RABGAP1L: variants seen among roughly 807,000 people sequenced by gnomAD.
The protein encoded by RABGAP1L is RAB GTPase activating protein 1 like, also known as rab GTPase-activating protein 1-like.
RABGAP1L carries 63 observed loss-of-function variants against 137.7 expected under a neutral mutation model. The observed-to-expected ratio is 0.46, with a 90% CI of 0.37 to 0.56. RABGAP1L has a LOEUF of 0.56. Among genes scored for constraint, RABGAP1L ranks in the 20% least tolerant of loss-of-function variants. The pLI is 0.00. For synonymous variants in RABGAP1L, 431 were observed against 433.7 expected, an observed-to-expected ratio of 0.99 and a Z score of 0.08; for missense variants, 1,095 against 1,244.0, an observed-to-expected ratio of 0.88 and a Z score of 1.80.
At chr1:174,515,724 A>G (rs1364620890) in intron 13 of RABGAP1L, among the ~76,000 whole-genome samples, 1 of 152,192 alleles carries the variant, frequency 6.6e-6, no homozygotes, top group Non-Finnish European at 1.5e-5. Context: ...GGTATATGGT[A>G]TTGAAGTGCT....
At chr1:174,606,203 A>C (rs1220911485) in intron 13 of RABGAP1L, among the ~76,000 whole-genome samples, 1 of 152,222 alleles carries the variant, frequency 6.6e-6, no homozygotes, top group African/African-American at 2.4e-5. Context: ...ATGAAATTTC[A>C]ATAAAAATTT....
chr1:174,901,702 T>G (rs777776895), intron 19 of RABGAP1L, among the ~76,000 whole-genome samples: 4 of 152,168 alleles, frequency 2.6e-5, no homozygotes, highest in Non-Finnish European at 5.9e-5. Flanking sequence ...TCAACCTAGT[T>G]CTGTGTTCTT....
chr1:174,864,909 G>C (rs965819083), intron 19 of RABGAP1L, among the ~76,000 whole-genome samples: 1 of 152,280 alleles, frequency 6.6e-6, no homozygotes, highest in Admixed American at 6.5e-5. Flanking sequence ...CAGAGCTCAA[G>C]GGTTTGAGAC....
intron 18 of RABGAP1L, among the ~76,000 whole-genome samples, chr1:174,782,063 G>C (rs1035954775): frequency 3.3e-5 from 5 of 152,148 alleles, no homozygotes; most frequent in Admixed American, 1.3e-4. Flanking sequence ...TTTTTTGGTT[G>C]CATATGAACT....
chr1:174,210,326 A>G (rs1668791601), intron 1 of RABGAP1L, among the ~76,000 whole-genome samples: 1 of 152,230 alleles, frequency 6.6e-6, no homozygotes, highest in African/African-American at 2.4e-5. Context: ...GAGGCAGTTC[A>G]AAGAAATTCA....
intron 13 of RABGAP1L, among the ~76,000 whole-genome samples, chr1:174,635,052 A>T (rs1288380425): frequency 6.6e-6 from 1 of 151,026 alleles, no homozygotes; most frequent in East Asian, 1.9e-4. Context: ...AAATAATAAT[A>T]AAATAAAAAA....
intron 17 of RABGAP1L, among the ~76,000 whole-genome samples, chr1:174,723,503 A>C (rs763275426): frequency 2.0e-5 from 3 of 152,198 alleles, no homozygotes; most frequent in Non-Finnish European, 2.9e-5. Flanking sequence ...CTAAACTGGG[A>C]GAATAACTAC....
At position 174,551,809 on chromosome 1, in the gene RABGAP1L, G is replaced by A. The variant is rs144835386; in HGVS notation, c.1711-85566G>A. 3.1e-4 allele frequency among the ~76,000 whole-genome samples: 47 copies of A among 152,124 alleles called. 1 individual carries two copies. In the East Asian group the frequency reaches 8.7e-3, roughly 28 times the overall value. ...CCTTTGACAAGACTGAAAAATCTAAGAAGGGAAGGCCTGAATCACCAATAT... is the reference window on the plus strand; with the variant it reads ...CCTTTGACAAGACTGAAAAATCTAAAAAGGGAAGGCCTGAATCACCAATAT... On this transcript the variant is annotated intron_variant, in intron 13 of 25. Transcript: ENST00000681986.
chr1:174,737,606 C>A (rs1371845041), intron 17 of RABGAP1L, among the ~76,000 whole-genome samples: 1 of 152,168 alleles, frequency 6.6e-6, no homozygotes, highest in African/African-American at 2.4e-5. Context: ...CCCACATCTT[C>A]AGGTATTAAT....
chr1:174,629,139 C>G (rs1673134184), intron 13 of RABGAP1L, among the ~76,000 whole-genome samples: 1 of 152,068 alleles, frequency 6.6e-6, no homozygotes, highest in Non-Finnish European at 1.5e-5. Flanking sequence ...TTTCTTGACT[C>G]AAATATTTGT....
intron 13 of RABGAP1L, among the ~76,000 whole-genome samples, chr1:174,525,290 A>G (rs967275793): frequency 2.0e-5 from 3 of 151,982 alleles, no homozygotes; most frequent in African/African-American, 4.8e-5. Context: ...TTGTCTTTCC[A>G]TTTGTTTATA....
At chr1:174,225,651 A>C (rs1432155982) in intron 3 of RABGAP1L, among the ~76,000 whole-genome samples, 1 of 152,118 alleles carries the variant, frequency 6.6e-6, no homozygotes, top group African/African-American at 2.4e-5. Flanking sequence ...TTGCTAGTTT[A>C]CACGCAGAGT....
intron 11 of RABGAP1L, among the ~76,000 whole-genome samples, chr1:174,325,578 T>C (rs1680365535): frequency 6.6e-6 from 1 of 152,168 alleles, no homozygotes; most frequent in Admixed American, 6.5e-5. Context: ...GCCATTACAG[T>C]ACCACACGTG....
intron 13 of RABGAP1L, among the ~76,000 whole-genome samples, chr1:174,439,548 T>C (rs1571818745): frequency 6.6e-6 from 1 of 152,206 alleles, no homozygotes; most frequent in East Asian, 1.9e-4. Context: ...GATAGGACTT[T>C]TCAAAGCACT....
intron 4 of RABGAP1L, among the ~76,000 whole-genome samples, chr1:174,239,602 T>TA (rs1671607467): frequency 1.3e-5 from 2 of 152,198 alleles, no homozygotes; most frequent in South Asian, 4.1e-4. Flanking sequence ...TTTGAATTGA[T>TA]ATTATATTTA....
intron 19 of RABGAP1L, among the ~76,000 whole-genome samples, chr1:174,950,186 T>C (rs1469569191): frequency 6.6e-6 from 1 of 152,222 alleles, no homozygotes; most frequent in East Asian, 1.9e-4. Flanking sequence ...TTGATGTCTG[T>C]AAGAAGCCTT....
At chr1:174,214,505 C>T (rs766634272) in intron 1 of RABGAP1L, among the ~76,000 whole-genome samples, 2 of 152,096 alleles carry the variant, frequency 1.3e-5, no homozygotes, top group Non-Finnish European at 2.9e-5. Context: ...TTATATGAAA[C>T]TACAAAAGAC....
intron 13 of RABGAP1L, among the ~76,000 whole-genome samples, chr1:174,555,060 T>C (rs891593930): frequency 9.2e-5 from 14 of 152,206 alleles, no homozygotes; most frequent in South Asian, 2.1e-4. Flanking sequence ...CCCTTAGTTA[T>C]GGTTAATGCA....
intron 12 of RABGAP1L, among the ~76,000 whole-genome samples, chr1:174,385,750 A>G (rs1235434398): frequency 2.0e-5 from 3 of 152,222 alleles, no homozygotes; most frequent in Non-Finnish European, 2.9e-5. Flanking sequence ...AAGTGCTGAT[A>G]GGTGAAGTCT....
Sources: allele counts gnomAD v4.1 joint callset (sites outside exome capture counted in the v4.1 genomes callset), GRCh38; gene constraint gnomAD v4.1.1; transcripts MANE v1.5; gene names NCBI Gene and HGNC (gene_info 2026-07-23, HGNC 2026-07-21).